HDAC11: variants seen among roughly 807,000 people sequenced by gnomAD.
HDAC11 encodes histone deacetylase 11.
HDAC11 carries 23 observed loss-of-function variants against 41.1 expected under a neutral mutation model. The observed-to-expected ratio is 0.56, with a 90% CI of 0.40 to 0.79. The LOEUF is 0.79. Ranked by LOEUF, HDAC11 falls within the 30% of genes least tolerant of loss-of-function variation. HDAC11 has a pLI of 0.00. For synonymous variants in HDAC11, 187 were observed against 186.6 expected (o/e 1.00, Z -0.02); for missense variants, 402 against 477.3 (o/e 0.84, Z 1.47).
At chr3:13,482,352 A>G (rs867795657) in intron 2 of HDAC11, among the ~76,000 whole-genome samples, 4 of 152,382 alleles carry the variant, frequency 2.6e-5, no homozygotes, top group Middle Eastern at 6.8e-3. Flanking sequence ...CAATGAAAAC[A>G]ACAGTATAAT....
Position 13,483,808 on chromosome 3 carries a change from G to A in HDAC11, c.252+244G>A, listed in dbSNP as rs188329375. 4.7e-4 allele frequency among the ~76,000 whole-genome samples: 71 copies of A among 152,274 alleles called. 4 individuals are homozygous for A. Among genetic ancestry groups the A allele is most frequent in the South Asian group, 3.7e-3 (18 of 4,808 alleles). On this transcript the variant is annotated intron_variant, in intron 3 of 9. Coordinates refer to ENST00000295757, the MANE Select transcript of HDAC11 (RefSeq NM_024827.4). ...GTGGTGTCCTCCCCTTCTCCAGGGC[G>A]TATGAAAGCCTTCATAGAATTTTAG...
chr3:13,502,629 G>A lies in HDAC11; in HGVS notation c.553-255G>A. Reference sequence around the variant, plus strand: ...GTCCCACCACAGACTTGAGAGGGTGGCAGAGCGGGATTTCTTCCTCTGATA... The same window carrying A: ...GTCCCACCACAGACTTGAGAGGGTGACAGAGCGGGATTTCTTCCTCTGATA... On this transcript the variant is annotated intron_variant, in intron 7 of 9. Transcript: ENST00000295757. The surrounding 1 kb of genome is among the most constrained non-coding windows in gnomAD (Gnocchi z 4.1). 2.5e-6 allele frequency: 1 copy of A among 407,478 alleles called. No individual in the cohort carries two copies. Among genetic ancestry groups the A allele is most frequent in the Non-Finnish European group, 4.5e-6 (1 of 220,856 alleles). The allele number at this position is 407,478 out of a possible 1,614,324, so 25.2% of individuals were successfully genotyped here.
At chr3:13,499,239 G>C (rs1430330118) in intron 5 of HDAC11, among the ~76,000 whole-genome samples, 4 of 152,088 alleles carry the variant, frequency 2.6e-5, no homozygotes, top group Non-Finnish European at 5.9e-5. Context: ...GCGCGATCTC[G>C]GCTCACCGCA....
At chr3:13,497,554 C>A (rs559318059) in intron 4 of HDAC11, among the ~76,000 whole-genome samples, 1 of 152,134 alleles carries the variant, frequency 6.6e-6, no homozygotes, top group African/African-American at 2.4e-5. Context: ...ACGTCTCCCC[C>A]ACTGCGGGTG....
intron 8 of HDAC11, 80 bp downstream of exon 8, chr3:13,503,060 C>A: frequency 1.9e-6 from 2 of 1,074,500 alleles, no homozygotes; most frequent in South Asian, 1.3e-5. Flanking sequence ...GTCTGCTAGG[C>A]CCTGCAGAAG....
chr3:13,488,230 CCTCT>C (rs1363966727), intron 3 of HDAC11, among the ~76,000 whole-genome samples: 1 of 151,874 alleles, frequency 6.6e-6, no homozygotes, highest in Non-Finnish European at 1.5e-5. Flanking sequence ...CTGAGGGGCT[CCTCT>C]CTCCTTTAAA....
rs575918258 is a variant in HDAC11 at position 13,503,822 on chromosome 3, G to A, written c.650-272G>A. ...GCAGGGCAGGGTGTCCATGTGTGTA[G>A]GCAAGACCCAGAGGAGGCAGTGAAA... On this transcript the variant is annotated intron_variant, in intron 8 of 9. Coordinates refer to ENST00000295757, the MANE Select transcript of HDAC11 (RefSeq NM_024827.4). Among the ~76,000 whole-genome samples, 41 of 152,298 alleles carry A rather than the reference G, an allele frequency of 2.7e-4. 1 individual carries two copies. Among genetic ancestry groups the A allele is most frequent in the African/African-American group, 9.4e-4 (39 of 41,556 alleles).
rs1701247654 is a variant in HDAC11, at chr3:13,480,402, G to A, written c.2+53G>A. 2 of 1,094,398 alleles carry A rather than the reference G, an allele frequency of 1.8e-6. No homozygotes were observed. Among genetic ancestry groups the A allele is most frequent in the Non-Finnish European group, 1.1e-6 (1 of 871,596 alleles). 67.8% of individuals were successfully genotyped at this position (1,094,398 alleles called of 1,614,324 possible). On this transcript the variant is annotated intron_variant, in intron 1 of 9. Coordinates refer to ENST00000295757, the MANE Select transcript of HDAC11 (RefSeq NM_024827.4). The surrounding 1 kb of genome is among the most constrained non-coding windows in gnomAD (Gnocchi z 4.6). Reference sequence around the variant, plus strand: ...TGGGCTCCCAGGGGTCCCGGTGGGCGGGCGCGCTAGGGCGAGGGCGGGGAC... The same window carrying A: ...TGGGCTCCCAGGGGTCCCGGTGGGCAGGCGCGCTAGGGCGAGGGCGGGGAC...
At chr3:13,501,567 A>G (rs529817511) in intron 6 of HDAC11, 7 of 620,916 alleles carry the variant, frequency 1.1e-5, no homozygotes, top group African/African-American at 5.4e-5. Flanking sequence ...CACATTTCCT[A>G]GGGAATCTGG....
Position 13,502,875 on chromosome 3 carries a change from TC to T in HDAC11, c.553-5del, listed in dbSNP as rs1298174748. The T allele has an allele frequency of 6.2e-7, 1 of 1,611,500 alleles. No individual in the cohort carries two copies. Among genetic ancestry groups the T allele is most frequent in the Non-Finnish European group, 8.5e-7 (1 of 1,178,638 alleles). On this transcript the variant is annotated splice_region_variant and splice_polypyrimidine_tract_variant and intron_variant, in intron 7 of 9. Transcript: ENST00000295757. The surrounding 1 kb of genome is among the most constrained non-coding windows in gnomAD (Gnocchi z 4.1). ...CTACCCGAGAGCGGCTACTGTGACC[TC>T]CCCACAGGGCAATGGGCATGAGCGA... is the stretch of plus-strand genomic sequence containing the variant.
At position 13,504,209 on chromosome 3, in the gene HDAC11, A is replaced by G; in HGVS notation, c.765A>G (p.Val255=). Reference sequence around the variant, plus strand: ...AGGAGCACCTGCCCGACGTGGTGGTATACAATGCAGGCACCGACATCCTCG... The same window carrying G: ...AGGAGCACCTGCCCGACGTGGTGGTGTACAATGCAGGCACCGACATCCTCG... ...SLQEHLPDVV[V]YNAGTDILEG... Residue 255 remains valine (V), a synonymous_variant, in exon 9 of 10, where the codon GTA becomes GTG. Coordinates refer to ENST00000295757, the MANE Select transcript of HDAC11 (RefSeq NM_024827.4). 6.8e-6 allele frequency: 11 copies of G among 1,613,934 alleles called. No individual in the cohort carries two copies. Among genetic ancestry groups the G allele is most frequent in the Non-Finnish European group, 9.3e-6 (11 of 1,180,024 alleles).
In HDAC11 at chr3:13,480,515, G is replaced by A; in HGVS notation, c.2+166G>A. 1 of 352,134 alleles carries A rather than the reference G, an allele frequency of 2.8e-6. No individual in the cohort carries two copies. Among genetic ancestry groups the A allele is most frequent in the Non-Finnish European group, 4.9e-6 (1 of 203,694 alleles). 21.8% of individuals were successfully genotyped at this position (352,134 alleles called of 1,614,324 possible). On this transcript the variant is annotated intron_variant, in intron 1 of 9. Coordinates refer to ENST00000295757, the MANE Select transcript of HDAC11 (RefSeq NM_024827.4). The surrounding 1 kb of genome is among the most constrained non-coding windows in gnomAD (Gnocchi z 4.6). ...ACGGGTGTTTCCAGGCCCTCCCGGC[G>A]CGCCAGGCCAGCCCCGCGCCCCTGC...
At position 13,481,264 on chromosome 3, in the gene HDAC11, G is replaced by C. The variant is rs1701303502; in HGVS notation, c.21G>C (p.Leu7=). The change falls in exon 2 of 10, where the codon CTG becomes CTC. Residue 7 remains leucine (L), a synonymous_variant. Transcript: ENST00000295757. ...ACGGTAGGCTACACACAACCCAGCT[G>C]TACCAGCATGTGCCAGAGACACGCT... is the stretch of plus-strand genomic sequence containing the variant. MLHTTQ[L]YQHVPETRWP... The C allele has an allele frequency of 6.2e-7, 1 of 1,612,366 alleles. No homozygotes were observed. The highest frequency in any genetic ancestry group is 1.3e-5 in the African/African-American group (1 of 74,988).
intron 3 of HDAC11, among the ~76,000 whole-genome samples, chr3:13,486,196 G>C (rs1701556213): frequency 6.8e-6 from 1 of 148,104 alleles, no homozygotes; most frequent in Non-Finnish European, 1.5e-5. Flanking sequence ...GAACCTGGGA[G>C]GTAGAGGTTG....
At chr3:13,496,280 G>A (rs1472846121) in intron 3 of HDAC11, among the ~76,000 whole-genome samples, 1 of 152,230 alleles carries the variant, frequency 6.6e-6, no homozygotes, top group East Asian at 1.9e-4. Flanking sequence ...CCAGAGGCCA[G>A]GGCTCCCGTC....
Position 13,502,014 on chromosome 3 carries a change from C to T in HDAC11, c.552+81C>T. The T allele has an allele frequency of 8.8e-7, 1 of 1,136,020 alleles. No individual in the cohort carries two copies. The highest frequency in any genetic ancestry group is 1.3e-6 in the Non-Finnish European group (1 of 754,718). 70.4% of individuals were successfully genotyped at this position (1,136,020 alleles called of 1,614,324 possible). A position where few individuals can be genotyped will look rare whatever the true frequency, so the allele number is the denominator to read the frequency against. On this transcript the variant is annotated intron_variant, in intron 7 of 9. Coordinates refer to ENST00000295757, the MANE Select transcript of HDAC11 (RefSeq NM_024827.4). The surrounding 1 kb of genome is among the most constrained non-coding windows in gnomAD (Gnocchi z 4.1). ...ATCTTCCCGGGGCAGGAGAGTCTCC[C>T]TCCTCATGTCCCCACGGCTCTCACG...
chr3:13,500,371 A>G (rs1197869270), intron 5 of HDAC11, among the ~76,000 whole-genome samples: 1 of 152,064 alleles, frequency 6.6e-6, no homozygotes, highest in Non-Finnish European at 1.5e-5. Flanking sequence ...TGTGGCCCCC[A>G]TACCACCACT....
intron 3 of HDAC11, among the ~76,000 whole-genome samples, chr3:13,486,578 T>TG (rs1392625239): frequency 7.5e-6 from 1 of 133,676 alleles, no homozygotes; most frequent in African/African-American, 2.8e-5. Flanking sequence ...GGTGTTTTTT[T>TG]TTTTTTTTTT....
chr3:13,500,897 C>A, intron 6 of HDAC11, 108 bp downstream of exon 6: 1 of 856,512 alleles, frequency 1.2e-6, no homozygotes, highest in Non-Finnish European at 1.7e-6. Context: ...GGGGCCTATG[C>A]TGGAGCAGGG....
Sources: gnomAD v4.1 joint callset for allele counts (sites outside exome capture counted in the v4.1 genomes callset) on GRCh38, gnomAD v4.1.1 for gene constraint, Gnocchi (gnomAD v3.1) non-coding constraint, MANE v1.5 for transcripts, NCBI Gene and HGNC (gene_info 2026-07-23, HGNC 2026-07-21) for gene names.